CDH19: variants seen among roughly 807,000 people sequenced by gnomAD.
The protein encoded by CDH19 is cadherin-19.
Under a neutral mutation model 64.2 loss-of-function variants are expected in CDH19, and 67 were observed. The observed-to-expected ratio is 1.04, with a 90% confidence interval of 0.86 to 1.28. CDH19 has a LOEUF of 1.28. CDH19 is among the 50% of genes most tolerant of loss of function. The probability of loss-of-function intolerance (pLI) is 0.00; values close to 1 mark genes in which losing one functional copy is unlikely to be tolerated. For synonymous variants in CDH19, 346 were observed against 319.3 expected (o/e 1.08, Z -0.89); for missense variants, 1,030 against 929.0 (o/e 1.11, Z -1.41).
rs534916310 is a variant in CDH19, at chr18:66,505,282, C to T, written c.1849G>A (p.Gly617Ser). Reference sequence around the variant, plus strand: ...ATCTGTTTTCTCCGTTGTTTTAAACCCAAAGTCAAAAAAATAAACCCTGAT... The same window carrying T: ...ATCTGTTTTCTCCGTTGTTTTAAACTCAAAGTCAAAAAAATAAACCCTGAT... ...IIFGFIFLTL[G>S]LKQRRKQILF... Residue 617 changes from glycine (G) to serine (S), a missense_variant, in exon 12 of 12, where the codon GGT (glycine) becomes AGT (serine). Coordinates refer to ENST00000262150, the MANE Select transcript of CDH19 (RefSeq NM_021153.4). The T allele has an allele frequency of 6.4e-7, 1 of 1,560,006 alleles. No individual in the cohort carries two copies. The highest frequency in any genetic ancestry group is 1.4e-5 in the African/African-American group (1 of 71,994).
intron 1 of CDH19, among the ~76,000 whole-genome samples, chr18:66,601,490 G>C (rs984449579): frequency 6.6e-6 from 1 of 151,876 alleles, no homozygotes; most frequent in Non-Finnish European, 1.5e-5. Context: ...CTACTGCTCT[G>C]GTATGTTGAG....
In CDH19 at chr18:66,505,051, TG is replaced by T. The variant is rs1985118035; in HGVS notation, c.2079del (p.Ile694TyrfsTer36). ...TTTTCCAGAATGAATTTCCTGAATA[TG>T]GCACTGTCGGGGCCAACTTGCAAAG... The part of the protein sequence containing the change: ...RQSLQVGPDS[A>X]IFRKFILEKL... On this transcript the variant is annotated frameshift_variant, in exon 12 of 12. Coordinates refer to ENST00000262150, the MANE Select transcript of CDH19 (RefSeq NM_021153.4). LOFTEE classifies it low-confidence loss of function (END_TRUNC). 6 of 1,613,698 alleles carry T rather than the reference TG, an allele frequency of 3.7e-6. No individual in the cohort carries two copies. Among genetic ancestry groups the T allele is most frequent in the Non-Finnish European group, 5.1e-6 (6 of 1,179,772 alleles).
intron 1 of CDH19, among the ~76,000 whole-genome samples, chr18:66,579,154 ATGT>A (rs1399321149): frequency 1.3e-5 from 2 of 151,974 alleles, no homozygotes; most frequent in African/African-American, 4.8e-5. Context: ...TACTTCATTA[ATGT>A]TGTTAAAAAT....
intron 1 of CDH19, among the ~76,000 whole-genome samples, chr18:66,591,543 T>C (rs570116691): frequency 3.9e-5 from 6 of 152,044 alleles, no homozygotes; most frequent in African/African-American, 1.2e-4. Context: ...GAGTTGGCAG[T>C]AGACAACAGT....
rs944337290 is a variant in CDH19, at chr18:66,600,839, C to T, written c.-113+3115G>A. Among the ~76,000 whole-genome samples the T allele has an allele frequency of 7.9e-5, 12 of 151,624 alleles. No homozygotes were observed. In the East Asian group the frequency reaches 1.4e-3, roughly 17 times the overall value. ...AGGGTTGGGTTATTCTATAAGCATTCGATAAAAGAGAGAAAATAATCAAAA... is the reference window on the plus strand; with the variant it reads ...AGGGTTGGGTTATTCTATAAGCATTTGATAAAAGAGAGAAAATAATCAAAA... On this transcript the variant is annotated intron_variant, in intron 1 of 11. Transcript: ENST00000262150.
intron 1 of CDH19, among the ~76,000 whole-genome samples, chr18:66,602,303 C>T (rs1449766477): frequency 6.6e-6 from 1 of 151,756 alleles, no homozygotes; most frequent in Non-Finnish European, 1.5e-5. Flanking sequence ...CAAAAATGAT[C>T]AGTTGATATT....
At chr18:66,524,636 A>T (rs1000056036) in intron 9 of CDH19, among the ~76,000 whole-genome samples, 1 of 150,188 alleles carries the variant, frequency 6.7e-6, no homozygotes, top group East Asian at 2.0e-4. Flanking sequence ...TTTAAAAATA[A>T]AAATAAAGAG....
chr18:66,563,492 C>G (rs1339285704), intron 3 of CDH19, among the ~76,000 whole-genome samples: 1 of 151,796 alleles, frequency 6.6e-6, no homozygotes, highest in African/African-American at 2.4e-5. Context: ...TTATACAGAT[C>G]AAATAATATT....
chr18:66,558,178 T>A (rs1008286641), intron 3 of CDH19, among the ~76,000 whole-genome samples: 27 of 147,740 alleles, frequency 1.8e-4, no homozygotes, highest in African/African-American at 4.9e-4. Context: ...TATATATATA[T>A]AATATATATA....
At chr18:66,586,905 CTTTTA>C (rs1323693960) in intron 1 of CDH19, among the ~76,000 whole-genome samples, 1 of 151,940 alleles carries the variant, frequency 6.6e-6, no homozygotes, top group East Asian at 1.9e-4. Flanking sequence ...CATGCCTATC[CTTTTA>C]TTTAATCTAT....
intron 7 of CDH19, among the ~76,000 whole-genome samples, chr18:66,536,081 C>T (rs903185186): frequency 2.7e-5 from 4 of 149,064 alleles, no homozygotes; most frequent in African/African-American, 7.3e-5. Context: ...AAGAAGACTT[C>T]GAAATACTCA....
chr18:66,530,114 C>T (rs945022167), intron 8 of CDH19, 148 bp from the exon 9 acceptor site: 5 of 379,846 alleles, frequency 1.3e-5, no homozygotes, highest in African/African-American at 2.1e-5. Context: ...ATATGATTCA[C>T]CTACTTATCA....
rs778926316 is a variant in CDH19 at position 66,508,945 on chromosome 18, C to CA, written c.1828+49dup. On this transcript the variant is annotated intron_variant, in intron 11 of 11. Coordinates refer to ENST00000262150, the MANE Select transcript of CDH19 (RefSeq NM_021153.4). ...ATATGTTCAGTTCAGCACCACCTAC[C>CA]AAATATGATCATAATGCAAATGAGA... 2.5e-6 allele frequency: 4 copies of CA among 1,576,720 alleles called. No homozygotes were observed. In the East Asian group the frequency reaches 9.1e-5, roughly 36 times the overall value.
At chr18:66,547,554 G>C (rs1987162436) in intron 5 of CDH19, among the ~76,000 whole-genome samples, 1 of 150,890 alleles carries the variant, frequency 6.6e-6, no homozygotes, top group South Asian at 2.1e-4. Flanking sequence ...TTGGCTTGAA[G>C]AACATGAAAC....
At chr18:66,594,754 A>T (rs1363345890) in intron 1 of CDH19, among the ~76,000 whole-genome samples, 1 of 150,006 alleles carries the variant, frequency 6.7e-6, no homozygotes, top group African/African-American at 2.4e-5. Flanking sequence ...CTATCGCAAG[A>T]ACAAAAAACC....
chr18:66,566,647 A>G (rs1987922309), intron 3 of CDH19, among the ~76,000 whole-genome samples: 1 of 151,816 alleles, frequency 6.6e-6, no homozygotes, highest in Admixed American at 6.6e-5. Flanking sequence ...ACCAAATCAA[A>G]AGTCACCACT....
At chr18:66,573,917 ACACAC>A (rs1274003573) in intron 1 of CDH19, among the ~76,000 whole-genome samples, 263 of 151,216 alleles carry the variant, frequency 1.7e-3, no homozygotes, top group African/African-American at 6.1e-3. Flanking sequence ...ACACACACAC[ACACAC>A]AAGTATACAT....
chr18:66,528,780 T>C (rs779607282), intron 9 of CDH19, among the ~76,000 whole-genome samples: 6 of 152,104 alleles, frequency 3.9e-5, no homozygotes, highest in Admixed American at 6.6e-5. Flanking sequence ...CTTTGGTTAC[T>C]AACATTTATT....
In CDH19 at chr18:66,505,027, T is replaced by C. The variant is rs1307962671; in HGVS notation, c.2104A>G (p.Lys702Glu). The C allele has an allele frequency of 1.1e-5, 17 of 1,613,484 alleles. No individual in the cohort carries two copies. Among genetic ancestry groups the C allele is most frequent in the East Asian group, 2.2e-5 (1 of 44,848 alleles). ...SAIFRKFILE[K>E]LEEANTDPCA... ...GGATCAGTATTAGCTTCTTCGAGCT[T>C]TTCCAGAATGAATTTCCTGAATATG... The change falls in exon 12 of 12, where the codon AAG (lysine) becomes GAG (glutamate). Residue 702 changes from lysine (K) to glutamate (E), a missense_variant. Coordinates refer to ENST00000262150, the MANE Select transcript of CDH19 (RefSeq NM_021153.4).
Sources: allele counts gnomAD v4.1 joint callset (sites outside exome capture counted in the v4.1 genomes callset), GRCh38; gene constraint gnomAD v4.1.1; transcripts MANE v1.5; gene names NCBI Gene and HGNC (gene_info 2026-07-23, HGNC 2026-07-21).